TFR2: variants seen among roughly 807,000 people sequenced by gnomAD.
The protein encoded by TFR2 is transferrin receptor 2, also known as transferrin receptor protein 2.
In TFR2, 64 loss-of-function variants were observed where a neutral mutation model predicts 91.9. That is an observed-to-expected ratio of 0.70 (90% CI 0.57 to 0.86). The LOEUF (loss-of-function observed/expected upper bound fraction) is 0.86, where lower values mean the gene tolerates loss of function less well. Among genes scored for constraint, TFR2 ranks in the 40% least tolerant of loss-of-function variants. The pLI is 0.00. For synonymous variants in TFR2, 454 were observed against 459.6 expected (o/e 0.99, Z 0.15); for missense variants, 950 against 1,080.5 (o/e 0.88, Z 1.69).
intron 17 of TFR2, 101 bp downstream of exon 17, chr7:100,626,662 C>T: frequency 1.3e-6 from 2 of 1,494,228 alleles, no homozygotes; most frequent in South Asian, 1.3e-5. Context: ...ACTGTGTAGG[C>T]GGGGAGAGAG....
chr7:100,635,100 A>G (rs1329456806), intron 3 of TFR2, among the ~76,000 whole-genome samples: 3 of 150,516 alleles, frequency 2.0e-5, no homozygotes, highest in African/African-American at 7.3e-5. Context: ...CACCACACTC[A>G]GCTAGTTTTG....
chr7:100,630,028 G>A (rs935986044), intron 9 of TFR2, among the ~76,000 whole-genome samples: 1 of 152,216 alleles, frequency 6.6e-6, no homozygotes, highest in African/African-American at 2.4e-5. Context: ...ACAGGCGTGA[G>A]CCACCGCACC....
At chr7:100,632,738 C>CTTTT (rs35046097) in intron 6 of TFR2, 27 of 184,822 alleles carry the variant, frequency 1.5e-4, no homozygotes, top group Admixed American at 3.3e-4. Context: ...AAAAAAGAAC[C>CTTTT]TTTTTTTTTT....
At chr7:100,636,241 T>A (rs571033602) in intron 3 of TFR2, among the ~76,000 whole-genome samples, 105 of 148,920 alleles carry the variant, frequency 7.1e-4, no homozygotes, top group Middle Eastern at 3.4e-3. Context: ...ATTGGTGCGA[T>A]CTCAGCTCAC....
At position 100,633,215 on chromosome 7, in the gene TFR2, C is replaced by A; in HGVS notation, c.726+14G>T. 1 of 1,613,320 alleles carries A rather than the reference C, an allele frequency of 6.2e-7. No homozygotes were observed. ...TGCCGCGCCCCATCCTAGGAGCGGG[C>A]AGGGGGTGCTCACCGTGACGTTGCC... On this transcript the variant is annotated intron_variant, in intron 5 of 17. Coordinates refer to ENST00000223051, the MANE Select transcript of TFR2 (RefSeq NM_003227.4).
intron 3 of TFR2, chr7:100,639,974 C>T (rs6958696): frequency 0.17 from 25,632 of 151,904 alleles, 2,433 homozygotes; most frequent in Non-Finnish European, 0.21. Context: ...TTAGTACAGA[C>T]GGGGTTTCAC....
At chr7:100,629,127 T>G in intron 10 of TFR2, 126 bp downstream of exon 10, 1 of 1,261,748 alleles carries the variant, frequency 7.9e-7, no homozygotes, top group Non-Finnish European at 1.1e-6. Context: ...TCAGGTACAA[T>G]GTGGATGCCG....
intron 5 of TFR2, 33 bp from the exon 6 acceptor site, chr7:100,633,156 C>G (rs748518838): frequency 6.2e-7 from 1 of 1,613,116 alleles, no homozygotes; most frequent in East Asian, 2.2e-5. Context: ...GCGCGCTCCC[C>G]GCGTCCCTCC....
chr7:100,636,665 C>T (rs897075019), intron 3 of TFR2, among the ~76,000 whole-genome samples: 11 of 151,958 alleles, frequency 7.2e-5, no homozygotes, highest in African/African-American at 2.7e-4. Context: ...TGTCAGGTTC[C>T]AACTCCCCCA....
intron 7 of TFR2, 36 bp from the exon 8 acceptor site, chr7:100,631,981 C>T: frequency 1.2e-6 from 2 of 1,614,112 alleles, no homozygotes; most frequent in East Asian, 2.2e-5. Flanking sequence ...AAGCTGCGAG[C>T]TGGGCTTCCA....
intron 1 of TFR2, 123 bp downstream of exon 1, chr7:100,641,354 G>GGGGC: frequency 1.6e-5 from 9 of 570,532 alleles, no homozygotes; most frequent in East Asian, 5.5e-5. Context: ...TGGGGGAGGG[G>GGGGC]CAGGGGTGGG....
In TFR2 at chr7:100,620,934, C is replaced by G; in HGVS notation, c.2329G>C (p.Ala777Pro). 5.6e-6 allele frequency: 9 copies of G among 1,614,162 alleles called. No homozygotes were observed. Among genetic ancestry groups the G allele is most frequent in the Non-Finnish European group, 7.6e-6 (9 of 1,179,998 alleles). Reference sequence around the variant, plus strand: ...CCTTGCAGCGTCCAGGTGAGCAGGGCTAGCTGACGCCGGAAACGGCTCTCC... The same window carrying G: ...CCTTGCAGCGTCCAGGTGAGCAGGGGTAGCTGACGCCGGAAACGGCTCTCC... ...FQESRFRRQL[A>P]LLTWTLQGAA... is the part of the protein sequence containing the mutation. Residue 777 changes from alanine to proline, a missense_variant, in exon 18 of 18, where the codon GCC (alanine) becomes CCC (proline). Physicochemically the swap from Ala to Pro is conservative, Grantham distance 27. Coordinates refer to ENST00000223051, the MANE Select transcript of TFR2 (RefSeq NM_003227.4).
intron 9 of TFR2, among the ~76,000 whole-genome samples, chr7:100,630,244 CTCTT>C (rs1218411389): frequency 3.8e-4 from 57 of 151,044 alleles, no homozygotes; most frequent in African/African-American, 5.8e-4. Context: ...TTCTCTCTCT[CTCTT>C]TCTTTCTTTT....
At chr7:100,628,042 G>A (rs1803318186) in intron 12 of TFR2, 31 bp downstream of exon 12, 1 of 1,614,096 alleles carries the variant, frequency 6.2e-7, no homozygotes, top group Non-Finnish European at 8.5e-7. Flanking sequence ...TGGACCCCAG[G>A]GGGCCAGGTG....
intron 16 of TFR2, 90 bp from the exon 17 acceptor site, chr7:100,626,993 AGGGGGCTG>A: frequency 6.9e-7 from 1 of 1,454,850 alleles, no homozygotes; most frequent in Non-Finnish European, 9.0e-7. Context: ...AGCATGGGGA[AGGGGGCTG>A]GGACCCCTGG....
At chr7:100,621,150 C>A in intron 17 of TFR2, 24 bp from the exon 18 acceptor site, 2 of 1,488,766 alleles carry the variant, frequency 1.3e-6, no homozygotes, top group South Asian at 1.3e-5. Context: ...GGGATCAGGT[C>A]AGGGTTGGGG....
Position 100,633,214 on chromosome 7 carries a change from G to A in TFR2, c.726+15C>T. The A allele has an allele frequency of 6.2e-7, 1 of 1,613,404 alleles. No homozygotes were observed. ...GTGCCGCGCCCCATCCTAGGAGCGG[G>A]CAGGGGGTGCTCACCGTGACGTTGC... On this transcript the variant is annotated intron_variant, in intron 5 of 17. Transcript: ENST00000223051.
intron 3 of TFR2, among the ~76,000 whole-genome samples, chr7:100,638,225 G>C (rs1342786571): frequency 1.3e-5 from 2 of 151,806 alleles, no homozygotes; most frequent in African/African-American, 2.4e-5. Context: ...GGATAGTCTC[G>C]ATCTCCTGAC....
At position 100,620,783 on chromosome 7, in the gene TFR2, T is replaced by A; in HGVS notation, c.*74A>T. 6.3e-7 allele frequency: 1 copy of A among 1,598,616 alleles called. No homozygotes were observed. Among genetic ancestry groups the A allele is most frequent in the Non-Finnish European group, 8.6e-7 (1 of 1,168,280 alleles). The stretch of plus-strand genomic sequence containing the variant: ...AGAGGTGGACTCTGAGCCACCTCCC[T>A]GACCCTGAATCATTCAAGCGAGGAG... On this transcript the variant is annotated 3_prime_UTR_variant, in exon 18 of 18. Transcript: ENST00000223051.
Sources: gnomAD v4.1 joint callset for allele counts (sites outside exome capture counted in the v4.1 genomes callset) on GRCh38, gnomAD v4.1.1 for gene constraint, MANE v1.5 for transcripts, NCBI Gene and HGNC (gene_info 2026-07-23, HGNC 2026-07-21) for gene names.